GAS7: variants seen among roughly 807,000 people sequenced by gnomAD.
GAS7 encodes the protein growth arrest specific 7.
A neutral mutation model predicts 71.1 loss-of-function variants in GAS7; 28 were observed. The ratio of observed to expected loss-of-function variants is 0.39; its 90% confidence interval spans 0.29 to 0.54. The LOEUF (loss-of-function observed/expected upper bound fraction) is 0.54, where lower values mean the gene tolerates loss of function less well. Ranked by LOEUF, GAS7 falls within the 20% of genes least tolerant of loss-of-function variation. The pLI, the probability that GAS7 is intolerant of heterozygous loss-of-function variation, is 0.62. For synonymous variants in GAS7, 258 were observed against 245.8 expected, an observed-to-expected ratio of 1.05 and a Z score of -0.46; for missense variants, 436 against 627.8, an observed-to-expected ratio of 0.69 and a Z score of 3.27.
intron 1 of GAS7, among the ~76,000 whole-genome samples, chr17:10,160,939 TACACACACACACAC>T (rs61578754): frequency 1.4e-4 from 19 of 139,702 alleles, no homozygotes; most frequent in Middle Eastern, 3.6e-3. Flanking sequence ...ATTGAAACCA[TACACACACACACAC>T]ACACACACAC....
chr17:10,154,338 G>C (rs1326474096), intron 1 of GAS7, among the ~76,000 whole-genome samples: 1 of 151,682 alleles, frequency 6.6e-6, no homozygotes, highest in Non-Finnish European at 1.5e-5. Context: ...GTCTCTACAA[G>C]AAATAAAATT....
At chr17:10,088,974 A>G (rs930470153) in intron 1 of GAS7, among the ~76,000 whole-genome samples, 3 of 151,942 alleles carry the variant, frequency 2.0e-5, no homozygotes, top group African/African-American at 7.3e-5. Flanking sequence ...CCTGACCAAT[A>G]TGGCAAAACC....
At chr17:9,941,418 C>A (rs1049732217) in intron 7 of GAS7, among the ~76,000 whole-genome samples, 1 of 152,198 alleles carries the variant, frequency 6.6e-6, no homozygotes, top group Non-Finnish European at 1.5e-5. Context: ...TGTGTCTCAC[C>A]TCCAGGACGA....
In GAS7 at chr17:9,959,311, TC is replaced by T. The variant is rs751163041; in HGVS notation, c.472-57del. The T allele has an allele frequency of 1.3e-5, 21 of 1,612,060 alleles. No homozygotes were observed. The highest frequency in any genetic ancestry group is 9.3e-5 in the African/African-American group (7 of 74,890). On this transcript the variant is annotated intron_variant, in intron 4 of 13. Coordinates refer to ENST00000432992, the MANE Select transcript of GAS7 (RefSeq NM_201433.2). The surrounding 1 kb of genome is among the most constrained non-coding windows in gnomAD (Gnocchi z 5.0). ...GCTGTTCTCCATATTGGACATTTTT[TC>T]CCCCCATTCAGGTTCCCTGAGGGTG... is the stretch of plus-strand genomic sequence containing the variant.
intron 6 of GAS7, among the ~76,000 whole-genome samples, chr17:9,944,985 A>G (rs1263302839): frequency 1.3e-5 from 2 of 152,138 alleles, no homozygotes. Flanking sequence ...TTGCAGATTA[A>G]GTATCAGAGT....
At chr17:10,128,751 C>T (rs1005471310) in intron 1 of GAS7, among the ~76,000 whole-genome samples, 19 of 151,706 alleles carry the variant, frequency 1.3e-4, no homozygotes, top group African/African-American at 4.6e-4. Context: ...TCCCGAGTAG[C>T]TGGGATTACA....
At chr17:9,946,795 G>A (rs547013250) in intron 6 of GAS7, 99 bp downstream of exon 6, 1 of 698,532 alleles carries the variant, frequency 1.4e-6, no homozygotes, top group African/African-American at 1.8e-5. Context: ...CAACGAGAAA[G>A]GCCCCTCCAC....
chr17:9,928,123 A>AT (rs912026375), intron 9 of GAS7, among the ~76,000 whole-genome samples: 3 of 149,056 alleles, frequency 2.0e-5, no homozygotes, highest in Non-Finnish European at 3.0e-5. Flanking sequence ...TTATTTATTT[A>AT]TTTTTTTGAG....
intron 1 of GAS7, among the ~76,000 whole-genome samples, chr17:10,077,430 G>A (rs1026156254): frequency 1.3e-5 from 2 of 152,216 alleles, no homozygotes; most frequent in Non-Finnish European, 2.9e-5. Flanking sequence ...ACTTAGCATA[G>A]ATGAGTGAAC....
At chr17:10,011,150 A>G (rs533685332) in intron 2 of GAS7, among the ~76,000 whole-genome samples, 3 of 152,350 alleles carry the variant, frequency 2.0e-5, no homozygotes, top group East Asian at 3.9e-4. Context: ...CACAGCACTC[A>G]GTTCTAGGAG....
At chr17:10,181,305 A>G (rs1392044658) in intron 1 of GAS7, among the ~76,000 whole-genome samples, 3 of 151,472 alleles carry the variant, frequency 2.0e-5, no homozygotes, top group African/African-American at 7.3e-5. Context: ...GATTGCAGTG[A>G]GCTGAGATTG....
intron 9 of GAS7, among the ~76,000 whole-genome samples, chr17:9,931,984 A>C (rs1483181176): frequency 6.6e-6 from 1 of 152,162 alleles, no homozygotes; most frequent in Non-Finnish European, 1.5e-5. Flanking sequence ...AAGAGACAGG[A>C]CCAGTGAGTG....
chr17:10,043,450 G>GT (rs1350503263), intron 1 of GAS7, among the ~76,000 whole-genome samples: 1 of 152,140 alleles, frequency 6.6e-6, no homozygotes, highest in East Asian at 1.9e-4. Context: ...TCCCCATGTG[G>GT]TTGAAAATCT....
Position 10,070,513 on chromosome 17 carries a change from G to A in GAS7, c.184-50616C>T, listed in dbSNP as rs181201051. On this transcript the variant is annotated intron_variant, in intron 1 of 13. Coordinates refer to ENST00000432992, the MANE Select transcript of GAS7 (RefSeq NM_201433.2). Reference sequence around the variant, plus strand: ...AGTGTAGCTGGGACTAAAGGCCTGCGCCACCATGCCTCGCTAATTTTTGTA... The same window carrying A: ...AGTGTAGCTGGGACTAAAGGCCTGCACCACCATGCCTCGCTAATTTTTGTA... 2.4e-4 allele frequency among the ~76,000 whole-genome samples: 37 copies of A among 151,962 alleles called. No homozygotes were observed. The East Asian group carries it at 4.8e-3, about 20-fold the overall frequency.
chr17:10,079,301 T>C (rs1211715584), intron 1 of GAS7, among the ~76,000 whole-genome samples: 16 of 152,186 alleles, frequency 1.1e-4, no homozygotes, highest in Admixed American at 1.0e-3. Flanking sequence ...AAATTCTAAG[T>C]CCTTCCAACT....
At chr17:10,098,043 CAAAAAAA>C (rs34381280) in intron 1 of GAS7, among the ~76,000 whole-genome samples, 2 of 136,844 alleles carry the variant, frequency 1.5e-5, no homozygotes, top group South Asian at 4.8e-4. Context: ...GACTCCATCT[CAAAAAAA>C]AAAAAAAAAG....
chr17:9,976,066 A>T (rs2070190485), intron 3 of GAS7, among the ~76,000 whole-genome samples: 1 of 152,152 alleles, frequency 6.6e-6, no homozygotes, highest in South Asian at 2.1e-4. Context: ...CATTTAGGGG[A>T]GCAGTTTTAC....
intron 5 of GAS7, among the ~76,000 whole-genome samples, chr17:9,957,438 TCCAGCAGGTGCCCCA>T (rs2069290700): frequency 1.3e-5 from 2 of 152,186 alleles, no homozygotes; most frequent in Admixed American, 6.5e-5. Context: ...TAAGATGGAC[TCCAGCAGGTGCCCCA>T]CCCTGTGGCC....
rs74637722 is a variant in GAS7, at chr17:10,097,102, G to A, written c.184-77205C>T. ...GCCTTTGCCCACGCCGATCTCTGGC[G>A]CTGGGCTGCCTTCCCTCTCTAGTCT... On this transcript the variant is annotated intron_variant, in intron 1 of 13. Transcript: ENST00000432992. Among the ~76,000 whole-genome samples the A allele has an allele frequency of 5.0e-3, 756 of 152,310 alleles. 6 individuals are homozygous for A. Among genetic ancestry groups the A allele is most frequent in the African/African-American group, 0.017 (715 of 41,568 alleles).
Sources: allele counts gnomAD v4.1 joint callset (sites outside exome capture counted in the v4.1 genomes callset), GRCh38; gene constraint gnomAD v4.1.1; non-coding constraint Gnocchi (gnomAD v3.1); transcripts MANE v1.5; gene names NCBI Gene and HGNC (gene_info 2026-07-23, HGNC 2026-07-21).